Variants in ZC3H12B observed in about 807,000 individuals in gnomAD.
ZC3H12B encodes the protein probable ribonuclease ZC3H12B.
ZC3H12B carries 7 observed loss-of-function variants against 43.9 expected under a neutral mutation model. The ratio of observed to expected loss-of-function variants is 0.16; its 90% CI spans 0.09 to 0.30. The LOEUF (loss-of-function observed/expected upper bound fraction) is 0.30. ZC3H12B is among the 10% of genes least tolerant of loss of function. The probability of loss-of-function intolerance (pLI) is 1.00; values close to 1 mark genes in which losing one functional copy is unlikely to be tolerated. For missense variants in ZC3H12B, 475 were observed against 670.2 expected, an observed-to-expected ratio of 0.71 and a Z score of 3.22; for synonymous variants, 222 against 241.7, an observed-to-expected ratio of 0.92 and a Z score of 0.76.
At chrX:65,465,786 T>C (rs2148185377) in intron 3 of ZC3H12B, among the ~76,000 whole-genome samples, 1 of 110,909 alleles carries the variant, frequency 9.0e-6, no homozygotes, top group East Asian at 2.8e-4. Flanking sequence ...ATAGAGATTA[T>C]TCTGCAGGTT....
At chrX:65,102,185 G>T in the ZC3H12B span, among the ~76,000 whole-genome samples, 3 of 111,356 alleles carry the variant, frequency 2.7e-5, no homozygotes, top group South Asian at 3.8e-4. Context: ...AATTCAACAC[G>T]CCTTCAAGCT....
At chrX:65,129,453 T>C in the ZC3H12B span, among the ~76,000 whole-genome samples, 2 of 108,067 alleles carry the variant, frequency 1.9e-5, no homozygotes, top group South Asian at 8.2e-4. Flanking sequence ...GGGTAGGTAA[T>C]GGAAAATTAC....
intron 3 of ZC3H12B, among the ~76,000 whole-genome samples, chrX:65,402,416 G>T (rs1011187417): frequency 8.0e-5 from 9 of 111,823 alleles, no homozygotes; most frequent in African/African-American, 2.9e-4. Context: ...AAGGACACAG[G>T]CCTGGCTGGC....
chrX:65,085,442 C>G, the ZC3H12B span, among the ~76,000 whole-genome samples: 1 of 110,814 alleles, frequency 9.0e-6, no homozygotes, highest in African/African-American at 3.3e-5. Flanking sequence ...AAATGTGAAA[C>G]CAAATCACCA....
the ZC3H12B span, among the ~76,000 whole-genome samples, chrX:65,077,065 TTAGGTTTAGAATA>T: frequency 6.3e-5 from 7 of 111,990 alleles, no homozygotes. Context: ...ATGATCCTGT[TTAGGTTTAGAATA>T]TAGGTTCTGG....
chrX:65,477,790 A>G, intron 3 of ZC3H12B, among the ~76,000 whole-genome samples: 1 of 104,914 alleles, frequency 9.5e-6, no homozygotes. Context: ...AATAAACTCA[A>G]AGTTGGAAAA....
the ZC3H12B span, chrX:65,272,908 C>G: frequency 2.7e-5 from 3 of 112,136 alleles, no homozygotes; most frequent in East Asian, 8.3e-4. Context: ...GGGTGACATT[C>G]TTAACATTTT....
chrX:65,182,221 G>A, the ZC3H12B span, among the ~76,000 whole-genome samples: 3 of 110,868 alleles, frequency 2.7e-5, no homozygotes, highest in African/African-American at 9.8e-5. Flanking sequence ...ATGGACACAG[G>A]GAGGGAAACA....
At chrX:65,102,526 C>T in the ZC3H12B span, among the ~76,000 whole-genome samples, 70 of 111,722 alleles carry the variant, frequency 6.3e-4, 1 homozygote, top group African/African-American at 2.1e-3. Flanking sequence ...AGATAAGCAA[C>T]GTCAGCAAAG....
At chrX:65,331,516 G>A in the ZC3H12B span, among the ~76,000 whole-genome samples, 2 of 109,759 alleles carry the variant, frequency 1.8e-5, no homozygotes, top group Non-Finnish European at 3.8e-5. Context: ...TAGTCTAAGG[G>A]TACAAAGCCT....
At chrX:65,435,996 T>C (rs1426049756) in intron 3 of ZC3H12B, among the ~76,000 whole-genome samples, 1 of 111,907 alleles carries the variant, frequency 8.9e-6, no homozygotes, top group Admixed American at 9.5e-5. Context: ...GACTGAGTAA[T>C]TTACAAAGAA....
chrX:65,167,894 A>G, the ZC3H12B span, among the ~76,000 whole-genome samples: 15 of 112,224 alleles, frequency 1.3e-4, no homozygotes, highest in Non-Finnish European at 5.6e-5. Context: ...CTGTATCCTG[A>G]GACTTTCCTG....
the ZC3H12B span, chrX:65,271,878 C>A: frequency 2.0e-5 from 3 of 152,500 alleles, no homozygotes; most frequent in East Asian, 4.6e-4. Flanking sequence ...GATGGATAAT[C>A]AAATAGTTTC....
chrX:65,404,050 C>A (rs1274411750), intron 3 of ZC3H12B, among the ~76,000 whole-genome samples: 1 of 111,563 alleles, frequency 9.0e-6, no homozygotes, highest in Non-Finnish European at 1.9e-5. Context: ...ATAGACAGTA[C>A]AATAAGATCT....
intron 3 of ZC3H12B, among the ~76,000 whole-genome samples, chrX:65,419,109 C>A (rs772398596): frequency 5.6e-4 from 62 of 110,761 alleles, no homozygotes; most frequent in African/African-American, 2.0e-3. Flanking sequence ...CGTGGGTCCC[C>A]AAAACCATCC....
chrX:65,233,457 A>T, the ZC3H12B span, among the ~76,000 whole-genome samples: 2 of 110,948 alleles, frequency 1.8e-5, no homozygotes, highest in East Asian at 5.6e-4. Flanking sequence ...TTTGGAAATT[A>T]TACAGATATT....
intron 3 of ZC3H12B, among the ~76,000 whole-genome samples, chrX:65,460,318 A>G (rs1253895720): frequency 4.5e-5 from 5 of 111,959 alleles, no homozygotes; most frequent in Non-Finnish European, 9.4e-5. Flanking sequence ...CATCCCCATC[A>G]AGCTACCAAT....
the ZC3H12B span, among the ~76,000 whole-genome samples, chrX:65,256,280 G>A: frequency 8.9e-6 from 1 of 111,833 alleles, no homozygotes; most frequent in African/African-American, 3.2e-5. Context: ...TAACTACACA[G>A]TTGGACATAA....
Position 65,372,921 on chromosome X carries a change from T to C in ZC3H12B, n.295+3923T>C, listed in dbSNP as rs185334042. 1.5e-3 allele frequency among the ~76,000 whole-genome samples: 169 copies of C among 112,296 alleles called. 2 individuals are homozygous for C. In the South Asian group the frequency reaches 0.058, roughly 39 times the overall value. The stretch of plus-strand genomic sequence containing the variant: ...AATAGCATGTCAGTAGTAAAATACA[T>C]AAAACTGACTTTACAGTAAGAATTC... On this transcript the variant is annotated intron_variant and non_coding_transcript_variant, in intron 2 of 5. Transcript: ENST00000617377.
Sources: gnomAD v4.1 joint callset for allele counts (sites outside exome capture counted in the v4.1 genomes callset) on GRCh38, gnomAD v4.1.1 for gene constraint, MANE v1.5 for transcripts, NCBI Gene and HGNC (gene_info 2026-07-23, HGNC 2026-07-21) for gene names.